The following FGF14 variants were observed in gnomAD, a reference collection of about 807,000 sequenced individuals.
FGF14 encodes fibroblast growth factor homologous factor 4.
FGF14 carries 5 observed loss-of-function variants against 25.5 expected under a neutral mutation model. That is an observed-to-expected ratio of 0.20 (90% CI 0.10 to 0.41). FGF14 has a LOEUF of 0.41. Among genes scored for constraint, FGF14 ranks in the 10% least tolerant of loss-of-function variants. FGF14 has a pLI of 1.00. For missense variants in FGF14, 222 were observed against 320.1 expected (o/e 0.69, Z 2.34); for synonymous variants, 138 against 118.3 (o/e 1.17, Z -1.08).
chr13:102,289,645 G>A (rs1362262459), intron 1 of FGF14, among the ~76,000 whole-genome samples: 1 of 152,136 alleles, frequency 6.6e-6, no homozygotes, highest in Non-Finnish European at 1.5e-5. Context: ...CCAGTAGGAG[G>A]TAGGTTCAGC....
chr13:102,341,983 A>G (rs1466361856), intron 1 of FGF14, among the ~76,000 whole-genome samples: 1 of 152,158 alleles, frequency 6.6e-6, no homozygotes. Flanking sequence ...CTACAGGGAA[A>G]CAAGCCCACT....
intron 1 of FGF14, among the ~76,000 whole-genome samples, chr13:102,302,625 C>A (rs1566919095): frequency 6.6e-6 from 1 of 152,144 alleles, no homozygotes; most frequent in Non-Finnish European, 1.5e-5. Context: ...ATGTCTGAAC[C>A]CAGACATTTG....
At chr13:101,894,467 T>C (rs1201877688) in intron 1 of FGF14, among the ~76,000 whole-genome samples, 4 of 152,132 alleles carry the variant, frequency 2.6e-5, no homozygotes, top group African/African-American at 4.8e-5. Context: ...CTGAGACTTA[T>C]CCTTGTCCTA....
rs746931952 is a variant in FGF14, at chr13:102,254,987, T to A, written c.208+146484A>T. Among the ~76,000 whole-genome samples, 29 of 152,246 alleles carry A rather than the reference T, an allele frequency of 1.9e-4. 1 individual carries two copies. Among genetic ancestry groups the A allele is most frequent in the Non-Finnish European group, 2.4e-4 (16 of 68,040 alleles). Reference sequence around the variant, plus strand: ...ACTGATCATCTGCGACAGTTTAATGTAAAGTTACCATTCCTGCTTTGGAAG... The same window carrying A: ...ACTGATCATCTGCGACAGTTTAATGAAAAGTTACCATTCCTGCTTTGGAAG... On this transcript the variant is annotated intron_variant, in intron 1 of 4. Transcript: ENST00000376131.
chr13:102,147,443 A>G (rs2046899469), intron 1 of FGF14, among the ~76,000 whole-genome samples: 1 of 152,222 alleles, frequency 6.6e-6, no homozygotes, highest in Non-Finnish European at 1.5e-5. Context: ...GGAGAATGCA[A>G]TGCACAGATG....
intron 3 of FGF14, among the ~76,000 whole-genome samples, chr13:101,798,852 G>A (rs764061519): frequency 1.3e-5 from 2 of 152,128 alleles, no homozygotes; most frequent in Non-Finnish European, 1.5e-5. Context: ...GCAGGCTGGC[G>A]TAAGCAGTGA....
chr13:101,779,020 T>G (rs2039322868), intron 3 of FGF14: 1 of 152,172 alleles, frequency 6.6e-6, no homozygotes. Context: ...ATTTTCATGA[T>G]CATGCCATCT....
chr13:102,159,781 T>C (rs996137940), intron 1 of FGF14, among the ~76,000 whole-genome samples: 1 of 152,344 alleles, frequency 6.6e-6, no homozygotes, highest in African/African-American at 2.4e-5. Context: ...TGATGCTTTA[T>C]TTCCTCTTTC....
Position 101,720,771 on chromosome 13 carries a change from A to C in FGF14, c.*2060T>G, listed in dbSNP as rs2034921774. 6.6e-6 allele frequency: 1 copy of C among 152,152 alleles called. No individual in the cohort carries two copies. Among genetic ancestry groups the C allele is most frequent in the South Asian group, 2.1e-4 (1 of 4,834 alleles). 9.4% of individuals were successfully genotyped at this position (152,152 alleles called of 1,614,324 possible). A position where few individuals can be genotyped will look rare whatever the true frequency, so the allele number is the denominator to read the frequency against. The stretch of plus-strand genomic sequence containing the variant: ...AAACAATAGGCTTCAAGATGACATA[A>C]CACCAAATCAAAAATGACCAAAGGA... On this transcript the variant is annotated 3_prime_UTR_variant, in exon 5 of 5. Transcript: ENST00000376143.
chr13:102,096,075 TAG>T (rs1451483968), intron 1 of FGF14, among the ~76,000 whole-genome samples: 1 of 151,062 alleles, frequency 6.6e-6, no homozygotes, highest in Non-Finnish European at 1.5e-5. Flanking sequence ...TCAAAGTTAT[TAG>T]AGTTGGGATA....
At chr13:102,381,026 T>C (rs2058171290) in intron 1 of FGF14, among the ~76,000 whole-genome samples, 1 of 152,194 alleles carries the variant, frequency 6.6e-6, no homozygotes, top group South Asian at 2.1e-4. Context: ...AGAACACATA[T>C]TAGCCTACAG....
chr13:101,946,503 G>A (rs1324969869), intron 1 of FGF14, among the ~76,000 whole-genome samples: 1 of 152,020 alleles, frequency 6.6e-6, no homozygotes, highest in Non-Finnish European at 1.5e-5. Flanking sequence ...AACTCCAAAG[G>A]CAATGCAGTC....
At chr13:102,302,860 T>G (rs1164318708) in intron 1 of FGF14, among the ~76,000 whole-genome samples, 1 of 152,172 alleles carries the variant, frequency 6.6e-6, no homozygotes, top group Non-Finnish European at 1.5e-5. Flanking sequence ...ATTCTAAATC[T>G]GGCCCCTGCC....
At chr13:101,765,356 A>G (rs1044549233) in intron 3 of FGF14, among the ~76,000 whole-genome samples, 2 of 152,176 alleles carry the variant, frequency 1.3e-5, no homozygotes, top group African/African-American at 4.8e-5. Flanking sequence ...CTTGGCTGCA[A>G]CTGTAAACCC....
rs938589590 is a variant in FGF14, at chr13:102,013,977, T to C, written c.209-138681A>G. Among the ~76,000 whole-genome samples the C allele has an allele frequency of 4.6e-5, 7 of 152,166 alleles. No homozygotes were observed. In the East Asian group the frequency reaches 1.4e-3, roughly 29 times the overall value. On this transcript the variant is annotated intron_variant, in intron 1 of 4. Coordinates refer to the FGF14 transcript ENST00000376131. ...TAATGTTCAATGAGTGATTTCTATA[T>C]GTCAGGTACTTTTAATGTACTAATG...
intron 1 of FGF14, among the ~76,000 whole-genome samples, chr13:102,156,493 T>C (rs2047346094): frequency 6.6e-6 from 1 of 152,180 alleles, no homozygotes; most frequent in Non-Finnish European, 1.5e-5. Flanking sequence ...ATAAATTAGG[T>C]ATTGATGGGA....
At chr13:102,171,523 T>C (rs2048243609) in intron 1 of FGF14, among the ~76,000 whole-genome samples, 1 of 152,144 alleles carries the variant, frequency 6.6e-6, no homozygotes, top group Non-Finnish European at 1.5e-5. Flanking sequence ...AAAAAGCCTA[T>C]CTTTCTTTTT....
intron 1 of FGF14, among the ~76,000 whole-genome samples, chr13:102,108,415 G>A (rs1192131645): frequency 1.3e-5 from 2 of 152,124 alleles, no homozygotes; most frequent in African/African-American, 4.8e-5. Context: ...AGTAGATATC[G>A]GTCAAACAAG....
chr13:101,886,501 C>T (rs1001541678), intron 1 of FGF14, among the ~76,000 whole-genome samples: 7 of 151,994 alleles, frequency 4.6e-5, no homozygotes, highest in Non-Finnish European at 7.4e-5. Flanking sequence ...TATGCAAAAC[C>T]ATAGATCCCC....
Sources: allele counts gnomAD v4.1 joint callset (sites outside exome capture counted in the v4.1 genomes callset), GRCh38; gene constraint gnomAD v4.1.1; transcripts MANE v1.5; gene names NCBI Gene and HGNC (gene_info 2026-07-23, HGNC 2026-07-21).